Variants in HMGXB4 observed in about 807,000 individuals in gnomAD.
The protein encoded by HMGXB4 is HMG-box containing 4.
In HMGXB4, 27 loss-of-function variants were observed where a neutral mutation model predicts 63.9. The ratio of observed to expected loss-of-function variants is 0.42; its 90% CI spans 0.31 to 0.58. The LOEUF (loss-of-function observed/expected upper bound fraction) is 0.58. HMGXB4 is among the 20% of genes least tolerant of loss of function. The pLI is 0.13. For missense variants in HMGXB4, 624 were observed against 700.7 expected (o/e 0.89, Z 1.24); for synonymous variants, 264 against 265.3 (o/e 0.99, Z 0.05).
At chr22:35,254,422 A>T (rs1370844004), upstream of HMGXB4, among the ~76,000 whole-genome samples, 1 of 152,230 alleles carries the variant, frequency 6.6e-6, no homozygotes. Flanking sequence ...CATTCAAGGA[A>T]CTATGATCTC....
the HMGXB4 span, among the ~76,000 whole-genome samples, chr22:35,252,118 G>C: frequency 1.3e-5 from 2 of 152,156 alleles, no homozygotes; most frequent in Non-Finnish European, 2.9e-5. Flanking sequence ...GGGAGGCTAA[G>C]GCAGGACACT....
intron 1 of HMGXB4, among the ~76,000 whole-genome samples, chr22:35,259,637 C>T (rs537290242): frequency 6.4e-4 from 98 of 152,270 alleles, no homozygotes; most frequent in Non-Finnish European, 2.6e-4. Flanking sequence ...AAACCCTGAG[C>T]TGCAATAATA....
At position 35,295,723 on chromosome 22, in the gene HMGXB4, G is replaced by A. The variant is rs1255147338; in HGVS notation, c.*2072G>A. On this transcript the variant is annotated 3_prime_UTR_variant, in exon 11 of 11. Transcript: ENST00000216106. ...TTTTGTTTTTTAAATAAATTCTAGT[G>A]GTTTGATCCAAATCCCATTACAGTT... The A allele has an allele frequency of 2.0e-5, 3 of 152,274 alleles. No homozygotes were observed. The highest frequency in any genetic ancestry group is 7.3e-5 in the African/African-American group (3 of 41,332). 9.4% of individuals were successfully genotyped at this position (152,274 alleles called of 1,614,324 possible).
Position 35,274,455 on chromosome 22 carries a change from A to G in HMGXB4, c.1215+8852A>G, listed in dbSNP as rs918687477. On this transcript the variant is annotated intron_variant, in intron 5 of 10. Coordinates refer to ENST00000216106, the MANE Select transcript of HMGXB4 (RefSeq NM_001003681.3). The stretch of plus-strand genomic sequence containing the variant: ...AACTGAGTAGGAATTGGCAAAGCAC[A>G]ATCCTAACAGCTGTACATGTAGAGT... Among the ~76,000 whole-genome samples the G allele has an allele frequency of 7.2e-5, 11 of 152,348 alleles. No individual in the cohort carries two copies. In the South Asian group the frequency reaches 1.0e-3, roughly 14 times the overall value.
intron 9 of HMGXB4, among the ~76,000 whole-genome samples, chr22:35,290,522 G>A (rs1924863527): frequency 6.6e-6 from 1 of 151,456 alleles, no homozygotes; most frequent in African/African-American, 2.4e-5. Flanking sequence ...GCGGGCGCCT[G>A]TGAGAGGCTG....
chr22:35,268,548 T>C (rs141814987), intron 5 of HMGXB4, among the ~76,000 whole-genome samples: 54 of 152,354 alleles, frequency 3.5e-4, no homozygotes, highest in African/African-American at 1.3e-3. Flanking sequence ...TCCTGTGTTC[T>C]GCATCTTCAG....
intron 5 of HMGXB4, among the ~76,000 whole-genome samples, chr22:35,272,073 A>C (rs1923638205): frequency 6.6e-6 from 1 of 152,234 alleles, no homozygotes; most frequent in Non-Finnish European, 1.5e-5. Context: ...CATGTGTGAT[A>C]AATGAAATAG....
At position 35,293,744 on chromosome 22, in the gene HMGXB4, G is replaced by A. The variant is rs1035712384; in HGVS notation, c.*93G>A. ...CAGATTCCTTCAGTGGCCTCTGGCT[G>A]TAGGTTTTAAATTTTTATATCTATA... is the stretch of plus-strand genomic sequence containing the variant. On this transcript the variant is annotated 3_prime_UTR_variant, in exon 11 of 11. Transcript: ENST00000216106. 3.5e-6 allele frequency: 3 copies of A among 863,778 alleles called. No homozygotes were observed. The highest frequency in any genetic ancestry group is 3.4e-5 in the African/African-American group (2 of 58,894). The allele number at this position is 863,778 out of a possible 1,614,324, so 53.5% of individuals were successfully genotyped here. A position where few individuals can be genotyped will look rare whatever the true frequency, so the allele number is the denominator to read the frequency against.
chr22:35,279,402 G>A (rs4821389), intron 5 of HMGXB4, among the ~76,000 whole-genome samples: 77,681 of 151,828 alleles, frequency 0.51, 22,782 homozygotes, highest in Non-Finnish European at 0.65. Context: ...GCCTCCCAAA[G>A]TGCTGGGATT....
intron 9 of HMGXB4, among the ~76,000 whole-genome samples, chr22:35,289,378 G>C (rs762313865): frequency 2.0e-4 from 30 of 151,986 alleles, no homozygotes; most frequent in Non-Finnish European, 3.7e-4. Flanking sequence ...TGGATTGCTT[G>C]AGCCCAGGAG....
At chr22:35,285,309 C>G (rs1924499155) in intron 6 of HMGXB4, among the ~76,000 whole-genome samples, 2 of 152,178 alleles carry the variant, frequency 1.3e-5, no homozygotes, top group African/African-American at 4.8e-5. Context: ...CTTTGGGAGG[C>G]CGAGGTGGGT....
chr22:35,247,301 G>C, the HMGXB4 span, among the ~76,000 whole-genome samples: 1 of 152,206 alleles, frequency 6.6e-6, no homozygotes, highest in East Asian at 1.9e-4. Context: ...TCACTCCCGA[G>C]TGCACCACCA....
chr22:35,256,532 C>G (rs567713962), upstream of HMGXB4, among the ~76,000 whole-genome samples: 2 of 152,252 alleles, frequency 1.3e-5, no homozygotes, highest in African/African-American at 4.8e-5. Flanking sequence ...TGGAGTCTCA[C>G]TCTGTCCCCC....
chr22:35,244,118 C>T, the HMGXB4 span, among the ~76,000 whole-genome samples: 33 of 152,144 alleles, frequency 2.2e-4, no homozygotes, highest in Admixed American at 1.7e-3. Context: ...TGGGAATTTT[C>T]AGCAATTATT....
At chr22:35,244,606 A>G in the HMGXB4 span, among the ~76,000 whole-genome samples, 1 of 152,206 alleles carries the variant, frequency 6.6e-6, no homozygotes, top group Admixed American at 6.5e-5. Context: ...ATTGGGTCAT[A>G]GCCTGTTCCT....
intron 7 of HMGXB4, 129 bp from the exon 8 acceptor site, chr22:35,287,218 G>A (rs1377261640): frequency 8.7e-6 from 6 of 688,144 alleles, no homozygotes; most frequent in Non-Finnish European, 1.5e-5. Context: ...TTAAAAGTTA[G>A]CATTAACCCT....
upstream of HMGXB4, among the ~76,000 whole-genome samples, chr22:35,253,146 A>G (rs1043090359): frequency 5.3e-5 from 8 of 151,396 alleles, no homozygotes; most frequent in African/African-American, 1.7e-4. Context: ...AAAAAAAAAA[A>G]AAAAGAAAAA....
At chr22:35,263,553 G>T (rs910656511) in intron 3 of HMGXB4, among the ~76,000 whole-genome samples, 1 of 152,124 alleles carries the variant, frequency 6.6e-6, no homozygotes, top group African/African-American at 2.4e-5. Flanking sequence ...AAAGTGCTGG[G>T]ATTACAGGCC....
intron 5 of HMGXB4, among the ~76,000 whole-genome samples, chr22:35,280,440 T>A (rs1358467407): frequency 6.6e-6 from 1 of 152,188 alleles, no homozygotes; most frequent in Non-Finnish European, 1.5e-5. Flanking sequence ...TGCCACACTA[T>A]CTCTAATAAA....
Sources: allele counts gnomAD v4.1 joint callset (sites outside exome capture counted in the v4.1 genomes callset), GRCh38; gene constraint gnomAD v4.1.1; transcripts MANE v1.5; gene names NCBI Gene and HGNC (gene_info 2026-07-23, HGNC 2026-07-21).